SUGCT: variants seen among roughly 807,000 people sequenced by gnomAD.
The protein encoded by SUGCT is succinyl-CoA:glutarate CoA-transferase.
A neutral mutation model predicts 55.0 loss-of-function variants in SUGCT; 41 were observed. The observed-to-expected ratio is 0.74, with a 90% CI of 0.58 to 0.97. The LOEUF (loss-of-function observed/expected upper bound fraction) is 0.97. Ranked by LOEUF, SUGCT falls within the 50% of genes least tolerant of loss-of-function variation. The probability of loss-of-function intolerance (pLI) is 0.00; values close to 1 mark genes in which losing one functional copy is unlikely to be tolerated. For missense variants in SUGCT, 568 were observed against 547.8 expected (o/e 1.04, Z -0.37); for synonymous variants, 187 against 200.4 (o/e 0.93, Z 0.56).
chr7:40,892,885 T>C, the SUGCT span, among the ~76,000 whole-genome samples: 1 of 152,156 alleles, frequency 6.6e-6, no homozygotes, highest in East Asian at 1.9e-4. Flanking sequence ...TGAATAGATT[T>C]TGAGAAACAA....
chr7:40,181,483 C>T (rs543770826), intron 2 of SUGCT, among the ~76,000 whole-genome samples: 5 of 152,112 alleles, frequency 3.3e-5, no homozygotes, highest in Admixed American at 6.6e-5. Context: ...CGGTGGCTCA[C>T]GCCTGTAATC....
At chr7:40,755,632 T>C (rs1584391512) in intron 13 of SUGCT, among the ~76,000 whole-genome samples, 3 of 152,332 alleles carry the variant, frequency 2.0e-5, no homozygotes, top group Admixed American at 2.0e-4. Flanking sequence ...TTAGCATTGG[T>C]GCTGAGTGCC....
At chr7:40,374,098 A>G (rs1784429491) in intron 9 of SUGCT, among the ~76,000 whole-genome samples, 1 of 152,174 alleles carries the variant, frequency 6.6e-6, no homozygotes, top group African/African-American at 2.4e-5. Flanking sequence ...TACTAACTGT[A>G]TGAACCCATG....
chr7:40,418,795 T>G (rs972798956), intron 9 of SUGCT, among the ~76,000 whole-genome samples: 1 of 152,146 alleles, frequency 6.6e-6, no homozygotes, highest in African/African-American at 2.4e-5. Flanking sequence ...CTTTTCAGTT[T>G]CAAAACAGAG....
intron 6 of SUGCT, among the ~76,000 whole-genome samples, chr7:40,219,630 C>T (rs1277824778): frequency 2.6e-5 from 4 of 151,950 alleles, no homozygotes; most frequent in Admixed American, 1.3e-4. Flanking sequence ...GAAGGATAGG[C>T]CTCTCTCCAC....
At chr7:40,955,003 G>A in the SUGCT span, among the ~76,000 whole-genome samples, 1 of 152,278 alleles carries the variant, frequency 6.6e-6, no homozygotes, top group Admixed American at 6.5e-5. Flanking sequence ...CCATATATCT[G>A]TTTTGGTACC....
chr7:40,228,802 A>G (rs1033251707), intron 6 of SUGCT, among the ~76,000 whole-genome samples: 5 of 152,014 alleles, frequency 3.3e-5, no homozygotes, highest in South Asian at 4.1e-4. Flanking sequence ...TTATTTACCA[A>G]TTGCCATAAT....
chr7:40,207,983 A>G (rs377215393), intron 6 of SUGCT, among the ~76,000 whole-genome samples: 1 of 152,234 alleles, frequency 6.6e-6, no homozygotes, highest in African/African-American at 2.4e-5. Flanking sequence ...AATAAGCAAT[A>G]ATGATGGAAT....
At chr7:40,912,834 T>C in the SUGCT span, among the ~76,000 whole-genome samples, 4 of 151,528 alleles carry the variant, frequency 2.6e-5, no homozygotes, top group African/African-American at 9.7e-5. Context: ...TATTTAGTTT[T>C]CACAATAGAA....
In SUGCT at chr7:40,140,134, C is replaced by A. The variant is rs565255125; in HGVS notation, c.100+5014C>A. Among the ~76,000 whole-genome samples the A allele has an allele frequency of 2.5e-3, 384 of 152,148 alleles. 1 individual carries two copies. The highest frequency in any genetic ancestry group is 3.7e-3 in the Non-Finnish European group (250 of 67,998). On this transcript the variant is annotated intron_variant, in intron 1 of 13. Transcript: ENST00000335693. The stretch of plus-strand genomic sequence containing the variant: ...GGTCAGGCTGGCCTCAAACTCTCGA[C>A]CTCAGTTGATCCGCCCGCCTAGGCC...
intron 12 of SUGCT, among the ~76,000 whole-genome samples, chr7:40,501,362 A>C (rs148782506): frequency 1.6e-3 from 249 of 152,288 alleles, no homozygotes; most frequent in African/African-American, 5.7e-3. Context: ...TAATATATAA[A>C]GTATGAGGCA....
At chr7:40,952,359 G>A in the SUGCT span, among the ~76,000 whole-genome samples, 2 of 152,116 alleles carry the variant, frequency 1.3e-5, no homozygotes, top group Admixed American at 1.3e-4. Context: ...CTGCACATGA[G>A]ATGGGTTTCC....
intron 8 of SUGCT, among the ~76,000 whole-genome samples, chr7:40,315,262 T>A (rs1227133429): frequency 6.6e-6 from 1 of 152,226 alleles, no homozygotes; most frequent in Non-Finnish European, 1.5e-5. Flanking sequence ...GTTTCAACCA[T>A]CCATGTCTGG....
At chr7:40,771,228 C>T (rs1562993036) in intron 13 of SUGCT, among the ~76,000 whole-genome samples, 1 of 152,108 alleles carries the variant, frequency 6.6e-6, no homozygotes, top group Non-Finnish European at 1.5e-5. Context: ...AACACTCACC[C>T]ACATCTTTCT....
chr7:40,898,477 GGTC>G, the SUGCT span, among the ~76,000 whole-genome samples: 11 of 107,642 alleles, frequency 1.0e-4, 1 homozygote, highest in African/African-American at 3.4e-4. Flanking sequence ...CACTCCGGGA[GGTC>G]GGGGGGGGGG....
intron 1 of SUGCT, among the ~76,000 whole-genome samples, chr7:40,139,854 G>C (rs1787891364): frequency 6.6e-6 from 1 of 151,936 alleles, no homozygotes; most frequent in South Asian, 2.1e-4. Context: ...AGTATTTTTA[G>C]AGTTTCATCC....
At chr7:40,793,472 G>T (rs1031712997) in intron 13 of SUGCT, among the ~76,000 whole-genome samples, 4 of 152,126 alleles carry the variant, frequency 2.6e-5, no homozygotes, top group African/African-American at 9.7e-5. Context: ...CTGTTGAGAA[G>T]TCAGCGTTCT....
chr7:40,830,449 C>T (rs1311068168), intron 13 of SUGCT, among the ~76,000 whole-genome samples: 2 of 152,132 alleles, frequency 1.3e-5, no homozygotes, highest in Admixed American at 1.3e-4. Flanking sequence ...TCAATCAGGC[C>T]CTAGCAGACC....
intron 12 of SUGCT, among the ~76,000 whole-genome samples, chr7:40,527,358 A>G (rs896567265): frequency 2.0e-5 from 3 of 152,212 alleles, no homozygotes; most frequent in African/African-American, 7.2e-5. Flanking sequence ...AACTCTTTCA[A>G]TCAGTTCCAA....
Sources: allele counts gnomAD v4.1 joint callset (sites outside exome capture counted in the v4.1 genomes callset), GRCh38; gene constraint gnomAD v4.1.1; transcripts MANE v1.5; gene names NCBI Gene and HGNC (gene_info 2026-07-23, HGNC 2026-07-21).